Variants in CEP128 observed in about 807,000 individuals in gnomAD.
CEP128 encodes the protein centrosomal protein 128kDa.
CEP128 carries 132 observed loss-of-function variants against 156.7 expected under a neutral mutation model. The ratio of observed to expected loss-of-function variants is 0.84; its 90% CI spans 0.73 to 0.97. The LOEUF (loss-of-function observed/expected upper bound fraction) is 0.97. Among genes scored for constraint, CEP128 ranks in the 50% least tolerant of loss-of-function variants. CEP128 has a pLI of 0.00. For missense variants in CEP128, 1,252 were observed against 1,281.9 expected (o/e 0.98, Z 0.36); for synonymous variants, 469 against 448.9 (o/e 1.04, Z -0.57).
intron 21 of CEP128, among the ~76,000 whole-genome samples, chr14:80,554,569 C>T (rs750848190): frequency 4.6e-5 from 7 of 151,966 alleles, no homozygotes; most frequent in Admixed American, 2.0e-4. Flanking sequence ...TTTAGTCATG[C>T]TATTTCTTCT....
At chr14:80,539,120 A>G (rs1238706695) in intron 21 of CEP128, among the ~76,000 whole-genome samples, 3 of 152,214 alleles carry the variant, frequency 2.0e-5, no homozygotes, top group African/African-American at 7.2e-5. Flanking sequence ...TGCCTCAGAC[A>G]CTGTTCTAGA....
intron 19 of CEP128, among the ~76,000 whole-genome samples, chr14:80,701,971 T>G (rs542470678): frequency 1.6e-4 from 24 of 152,288 alleles, no homozygotes; most frequent in Admixed American, 1.3e-3. Context: ...ATTCTTTCAT[T>G]CTTGGCTCCC....
At chr14:80,697,836 C>T (rs1896941043) in intron 19 of CEP128, among the ~76,000 whole-genome samples, 1 of 151,916 alleles carries the variant, frequency 6.6e-6, no homozygotes, top group Non-Finnish European at 1.5e-5. Context: ...ACCAGATACA[C>T]TTCAACATTT....
chr14:80,735,178 A>G (rs1898470753), intron 19 of CEP128, among the ~76,000 whole-genome samples: 2 of 152,096 alleles, frequency 1.3e-5, no homozygotes, highest in South Asian at 4.1e-4. Flanking sequence ...AGATTTTAAC[A>G]CTATAGTACA....
At chr14:80,690,905 T>C (rs1896700571) in intron 19 of CEP128, among the ~76,000 whole-genome samples, 2 of 152,188 alleles carry the variant, frequency 1.3e-5, no homozygotes, top group Admixed American at 1.3e-4. Context: ...TTAGTTTAAA[T>C]ATTTGCCACA....
intron 20 of CEP128, among the ~76,000 whole-genome samples, chr14:80,572,377 C>T (rs1891177642): frequency 6.6e-6 from 1 of 152,172 alleles, no homozygotes; most frequent in South Asian, 2.1e-4. Flanking sequence ...TATTGCTGAG[C>T]ATTTATTTCC....
At chr14:80,670,257 T>C (rs1440693524) in intron 19 of CEP128, among the ~76,000 whole-genome samples, 1 of 152,154 alleles carries the variant, frequency 6.6e-6, no homozygotes, top group Non-Finnish European at 1.5e-5. Context: ...AGAATCATTA[T>C]ATAAAAAAGA....
intron 19 of CEP128, among the ~76,000 whole-genome samples, chr14:80,659,188 T>A (rs887967136): frequency 6.6e-6 from 1 of 152,112 alleles, no homozygotes; most frequent in Non-Finnish European, 1.5e-5. Context: ...AAGGTACAAA[T>A]AGGTCATAGT....
intron 13 of CEP128, among the ~76,000 whole-genome samples, chr14:80,826,750 T>C (rs1355579618): frequency 3.9e-5 from 6 of 152,208 alleles, no homozygotes; most frequent in African/African-American, 1.2e-4. Context: ...CTAAATTATG[T>C]TCAGCATCTT....
chr14:80,686,569 T>C (rs564843597), intron 19 of CEP128, among the ~76,000 whole-genome samples: 3 of 152,128 alleles, frequency 2.0e-5, no homozygotes, highest in African/African-American at 4.8e-5. Flanking sequence ...CAAATTCACA[T>C]ATAACAATAT....
At chr14:80,789,666 G>T (rs1391419415) in intron 14 of CEP128, among the ~76,000 whole-genome samples, 1 of 152,066 alleles carries the variant, frequency 6.6e-6, no homozygotes, top group Non-Finnish European at 1.5e-5. Context: ...AGCTTCCAAA[G>T]AAGGGGCAAA....
At chr14:80,841,557 G>A (rs2140086125) in intron 9 of CEP128, among the ~76,000 whole-genome samples, 1 of 151,888 alleles carries the variant, frequency 6.6e-6, no homozygotes, top group Middle Eastern at 3.4e-3. Flanking sequence ...AGTATGTCCA[G>A]GCATTCTTCT....
chr14:80,942,185 G>A (rs1339382107), upstream of CEP128: 1 of 152,230 alleles, frequency 6.6e-6, no homozygotes, highest in Non-Finnish European at 1.5e-5. Flanking sequence ...CCAGGGTCCA[G>A]TATATTGTTC....
In CEP128 at chr14:80,501,956, T is replaced by C. The variant is rs571195243; in HGVS notation, c.3181+2956A>G. Among the ~76,000 whole-genome samples the C allele has an allele frequency of 1.1e-4, 16 of 152,264 alleles. No individual in the cohort carries two copies. The South Asian group carries it at 3.3e-3, about 32-fold the overall frequency. On this transcript the variant is annotated intron_variant, in intron 24 of 24. Transcript: ENST00000555265. ...CAACACGACACACCTGTCGCCATTT[T>C]CCTGGCGAAAACCCAACAACCTGGA...
chr14:80,857,392 T>C (rs1887241374), intron 9 of CEP128, among the ~76,000 whole-genome samples: 1 of 152,086 alleles, frequency 6.6e-6, no homozygotes, highest in Non-Finnish European at 1.5e-5. Flanking sequence ...CAATGTTATA[T>C]ACTTGACTGT....
chr14:80,493,876 G>A (rs1336326721), downstream of CEP128, among the ~76,000 whole-genome samples: 1 of 152,186 alleles, frequency 6.6e-6, no homozygotes, highest in Admixed American at 6.5e-5. Flanking sequence ...AGAACTAGAA[G>A]GTGCGGCTGG....
At chr14:80,671,759 T>A (rs561601574) in intron 19 of CEP128, among the ~76,000 whole-genome samples, 12 of 152,008 alleles carry the variant, frequency 7.9e-5, no homozygotes, top group African/African-American at 2.9e-4. Context: ...AAAGACTGAT[T>A]GATTACAGAG....
chr14:80,734,663 C>G (rs980932990), intron 19 of CEP128, among the ~76,000 whole-genome samples: 2 of 151,704 alleles, frequency 1.3e-5, no homozygotes, highest in Non-Finnish European at 2.9e-5. Flanking sequence ...TCCTGGCCAA[C>G]ATGGTAAAAC....
At chr14:80,701,708 C>T (rs1897080930) in intron 19 of CEP128, among the ~76,000 whole-genome samples, 1 of 152,206 alleles carries the variant, frequency 6.6e-6, no homozygotes, top group African/African-American at 2.4e-5. Context: ...TATCAGTCTT[C>T]CCATCTTAAA....
Sources: gnomAD v4.1 joint callset for allele counts (sites outside exome capture counted in the v4.1 genomes callset) on GRCh38, gnomAD v4.1.1 for gene constraint, MANE v1.5 for transcripts, NCBI Gene and HGNC (gene_info 2026-07-23, HGNC 2026-07-21) for gene names.